The following HTR3B variants were observed in gnomAD, a reference collection of about 807,000 sequenced individuals.
HTR3B encodes 5-hydroxytryptamine (serotonin) receptor 3B, ionotropic.
In HTR3B, 44 loss-of-function variants were observed where a neutral mutation model predicts 42.8. That is an observed-to-expected ratio of 1.03 (90% CI 0.81 to 1.32). HTR3B has a LOEUF of 1.32. Ranked by LOEUF, HTR3B falls within the 40% of genes most tolerant of loss-of-function variation. HTR3B has a pLI of 0.00. For synonymous variants in HTR3B, 203 were observed against 209.0 expected, an observed-to-expected ratio of 0.97 and a Z score of 0.25; for missense variants, 527 against 536.5, an observed-to-expected ratio of 0.98 and a Z score of 0.17.
At chr11:113,908,034 C>T (rs942993429) in intron 1 of HTR3B, among the ~76,000 whole-genome samples, 7 of 152,194 alleles carry the variant, frequency 4.6e-5, no homozygotes, top group Non-Finnish European at 8.8e-5. Context: ...TAGTCCTGCA[C>T]GCCTGAATAG....
chr11:113,918,257 T>G (rs1234030659), intron 2 of HTR3B, among the ~76,000 whole-genome samples: 1 of 129,390 alleles, frequency 7.7e-6, no homozygotes, highest in African/African-American at 3.2e-5. Flanking sequence ...TTTCTCCTGC[T>G]TGTGTGTACT....
rs1021585542 is a variant in HTR3B, at chr11:113,913,767, G to A, written c.213+4312G>A. 1.1e-4 allele frequency among the ~76,000 whole-genome samples: 16 copies of A among 152,168 alleles called. 1 individual carries two copies. In the South Asian group the frequency reaches 1.5e-3, roughly 14 times the overall value. Reference sequence around the variant, plus strand: ...TGACCTCAGGTGATCCACCTGCCTCGGTCTGCCAAAGTGCTGGATTACAGG... The same window carrying A: ...TGACCTCAGGTGATCCACCTGCCTCAGTCTGCCAAAGTGCTGGATTACAGG... On this transcript the variant is annotated intron_variant, in intron 2 of 8. Transcript: ENST00000260191.
chr11:113,940,784 A>G (rs1343289790), intron 6 of HTR3B, among the ~76,000 whole-genome samples: 2 of 151,974 alleles, frequency 1.3e-5, no homozygotes, highest in African/African-American at 4.8e-5. Context: ...TTCTCCCGGC[A>G]CCTCCTGCTC....
intron 8 of HTR3B, among the ~76,000 whole-genome samples, 165 bp downstream of exon 8, chr11:113,944,920 G>T (rs544669919): frequency 6.6e-6 from 1 of 152,266 alleles, no homozygotes; most frequent in East Asian, 1.9e-4. Flanking sequence ...GAGACTGAAG[G>T]CTGCCTGCTT....
chr11:113,904,585 A>T (rs1223601960), upstream of HTR3B: 1 of 212,292 alleles, frequency 4.7e-6, no homozygotes, highest in Non-Finnish European at 9.5e-6. Context: ...AAAGGAAATC[A>T]TATTAGTGTG....
intron 6 of HTR3B, among the ~76,000 whole-genome samples, chr11:113,937,430 A>C (rs536098652): frequency 3.3e-5 from 5 of 152,322 alleles, no homozygotes; most frequent in Admixed American, 1.3e-4. Flanking sequence ...AAGATGAATA[A>C]ATGAAGGCTC....
At chr11:113,909,986 A>C (rs1428389667) in intron 2 of HTR3B, among the ~76,000 whole-genome samples, 1 of 135,686 alleles carries the variant, frequency 7.4e-6, no homozygotes, top group African/African-American at 2.7e-5. Context: ...CTTGTCTCCA[A>C]AAAAAAAAAA....
At chr11:113,906,728 G>T (rs1014006042) in intron 1 of HTR3B, among the ~76,000 whole-genome samples, 6 of 152,092 alleles carry the variant, frequency 3.9e-5, no homozygotes, top group African/African-American at 1.4e-4. Context: ...CCCTTCACTT[G>T]CAAGCTTCAT....
upstream of HTR3B, among the ~76,000 whole-genome samples, chr11:113,900,823 G>A (rs891563769): frequency 1.3e-4 from 20 of 152,112 alleles, no homozygotes; most frequent in African/African-American, 3.1e-4. Flanking sequence ...TACAATCATG[G>A]TGGAAGGGGA....
chr11:113,944,424 C>T (rs1950160554), intron 7 of HTR3B, 149 bp from the exon 8 acceptor site: 8 of 672,846 alleles, frequency 1.2e-5, no homozygotes, highest in Non-Finnish European at 1.8e-5. Context: ...TCACTTCAGC[C>T]CAATACGTTA....
chr11:113,934,636 C>T (rs989606009), intron 6 of HTR3B, among the ~76,000 whole-genome samples: 3 of 152,070 alleles, frequency 2.0e-5, no homozygotes, highest in Non-Finnish European at 4.4e-5. Flanking sequence ...AATCGCAACT[C>T]ATACCCTCCT....
chr11:113,945,779 C>T, intron 8 of HTR3B, 123 bp from the exon 9 acceptor site: 3 of 698,420 alleles, frequency 4.3e-6, no homozygotes, highest in East Asian at 5.4e-5. Context: ...AACCCAAACA[C>T]AACCCACTGC....
At chr11:113,913,522 A>T (rs2137493050) in intron 2 of HTR3B, among the ~76,000 whole-genome samples, 1 of 144,568 alleles carries the variant, frequency 6.9e-6, no homozygotes, top group Non-Finnish European at 1.5e-5. Context: ...TTTTAAAAAA[A>T]ATTTTATTTT....
chr11:113,938,055 A>G (rs1321542476), intron 6 of HTR3B, among the ~76,000 whole-genome samples: 1 of 151,956 alleles, frequency 6.6e-6, no homozygotes, highest in African/African-American at 2.4e-5. Context: ...CCATCTTCAC[A>G]TGGCCTTCTC....
intron 8 of HTR3B, 65 bp from the exon 9 acceptor site, chr11:113,945,837 A>G: frequency 8.7e-7 from 1 of 1,149,726 alleles, no homozygotes; most frequent in East Asian, 2.4e-5. Context: ...ATCAGCTTCA[A>G]GAGAAAGTCC....
intron 1 of HTR3B, 187 bp from the exon 2 acceptor site, chr11:113,909,108 A>C (rs750461007): frequency 1.2e-4 from 73 of 608,146 alleles, no homozygotes; most frequent in Non-Finnish European, 1.8e-4. Flanking sequence ...TCCATTGGGC[A>C]CTTAGGCCAT....
chr11:113,922,174 C>T (rs560672732), intron 2 of HTR3B, among the ~76,000 whole-genome samples: 44 of 152,238 alleles, frequency 2.9e-4, no homozygotes, highest in African/African-American at 1.0e-3. Flanking sequence ...AAGAGCACTT[C>T]CTTTAAATCC....
At position 113,947,646 on chromosome 11, in the gene HTR3B, C is replaced by G. The variant is rs147409626; in HGVS notation, c.*1509C>G. ...CAGATTTTCTCTTCTAACAAGGGCA[C>G]CAGTGTTGTTGGTTTAGGGTCCATC... On this transcript the variant is annotated 3_prime_UTR_variant, in exon 9 of 9. Coordinates refer to ENST00000260191, the MANE Select transcript of HTR3B (RefSeq NM_006028.5). Among the ~76,000 whole-genome samples the G allele has an allele frequency of 1.3e-5, 2 of 152,264 alleles. No individual in the cohort carries two copies. The highest frequency in any genetic ancestry group is 3.9e-4 in the East Asian group (2 of 5,180).
intron 1 of HTR3B, chr11:113,909,067 G>C: frequency 1.7e-6 from 1 of 576,574 alleles, no homozygotes; most frequent in Non-Finnish European, 3.0e-6. Context: ...TGGAGATGGC[G>C]TTGATTTACT....
Sources: gnomAD v4.1 joint callset for allele counts (sites outside exome capture counted in the v4.1 genomes callset) on GRCh38, gnomAD v4.1.1 for gene constraint, MANE v1.5 for transcripts, NCBI Gene and HGNC (gene_info 2026-07-23, HGNC 2026-07-21) for gene names.